The following MAGEB10 variants were observed in gnomAD, a reference collection of about 807,000 sequenced individuals.
MAGEB10 encodes the protein melanoma-associated antigen B10.
For synonymous variants in MAGEB10, 99 were observed against 101.0 expected (o/e 0.98, Z 0.12); for missense variants, 190 against 261.9 (o/e 0.73, Z 1.89).
intron 1 of MAGEB10, chrX:27,811,767 A>T (rs753915720): frequency 8.8e-6 from 1 of 113,639 alleles, no homozygotes; most frequent in East Asian, 2.8e-4. Context: ...TACAGAAGCA[A>T]CTTCCATAAA....
rs1299509980 is a variant in MAGEB10, at chrX:27,817,630, G to A, written c.-122G>A. ...ACTCAGTATAGCCTAGAACTCCTGA[G>A]CTCAAGCAATCCTCCCACCTCAGCC... On this transcript the variant is annotated 5_prime_UTR_variant, in exon 2 of 3. Transcript: ENST00000356790. 3 of 110,552 alleles carry A rather than the reference G, an allele frequency of 2.7e-5. No individual in the cohort carries two copies. In the South Asian group the frequency reaches 1.2e-3, roughly 43 times the overall value. The allele number at this position is 110,552 out of a possible 1,213,427, so 9.1% of individuals were successfully genotyped here. A position where few individuals can be genotyped will look rare whatever the true frequency, so the allele number is the denominator to read the frequency against.
At chrX:27,815,909 T>C (rs1026132639) in intron 1 of MAGEB10, among the ~76,000 whole-genome samples, 2 of 111,597 alleles carry the variant, frequency 1.8e-5, no homozygotes, top group Non-Finnish European at 3.8e-5. Flanking sequence ...AAGAATCCCA[T>C]TTCAGGCTTA....
At chrX:27,819,049 A>C (rs1171714832) in intron 2 of MAGEB10, among the ~76,000 whole-genome samples, 1 of 110,979 alleles carries the variant, frequency 9.0e-6, no homozygotes, top group Non-Finnish European at 1.9e-5. Flanking sequence ...ACTGCTCAGC[A>C]CAGAGACCAC....
chrX:27,821,755 C>G lies in MAGEB10; in HGVS notation c.449C>G (p.Pro150Arg). 2 of 1,211,801 alleles carry G rather than the reference C, an allele frequency of 1.7e-6. No homozygotes were observed. Among genetic ancestry groups the G allele is most frequent in the Non-Finnish European group, 2.2e-6 (2 of 895,546 alleles). ...NVTQMSKSQF[P>R]VILSRASEHL... The stretch of plus-strand genomic sequence containing the variant: ...ACCCAAATGTCCAAGAGCCAGTTCC[C>G]TGTAATCCTGAGCAGAGCTTCTGAG... The change falls in exon 3 of 3, where the codon CCT becomes CGT. Residue 150 changes from proline (P) to arginine (R), a missense_variant. Pro to Arg is a moderately radical substitution (Grantham distance 103, BLOSUM62 -2). Transcript: ENST00000356790.
chrX:27,822,122 A>G lies in MAGEB10; in HGVS notation c.816A>G (p.Gln272=). The part of the protein sequence containing the change: ...QVPNSDPPRY[Q]FLWGPRAHAE... ...CCAACAGTGATCCTCCACGCTATCA[A>G]TTCCTATGGGGCCCAAGAGCCCATG... The change falls in exon 3 of 3, where the codon CAA becomes CAG. Residue 272 remains glutamine (Q), a synonymous_variant. Coordinates refer to ENST00000356790, the MANE Select transcript of MAGEB10 (RefSeq NM_182506.3). 1 of 1,212,127 alleles carries G rather than the reference A, an allele frequency of 8.2e-7. No homozygotes were observed. Among genetic ancestry groups the G allele is most frequent in the African/African-American group, 1.7e-5 (1 of 57,919 alleles).
At chrX:27,812,448 A>G (rs1923709595) in intron 1 of MAGEB10, 1 of 148,870 alleles carries the variant, frequency 6.7e-6, no homozygotes, top group African/African-American at 3.1e-5. Context: ...AGGCCATGAC[A>G]CAAGAGTGAA....
chrX:27,811,918 G>A (rs763822188), intron 1 of MAGEB10: 26 of 144,373 alleles, frequency 1.8e-4, no homozygotes, highest in Non-Finnish European at 3.3e-4. Context: ...CCCCGTGCCC[G>A]TGAGAAACGC....
intron 1 of MAGEB10, among the ~76,000 whole-genome samples, chrX:27,814,104 T>C (rs112872731): frequency 9.0e-6 from 1 of 111,666 alleles, no homozygotes; most frequent in Non-Finnish European, 1.9e-5. Context: ...TTTAAGTTCC[T>C]GGATACATGT....
At chrX:27,813,126 T>C (rs1205849070) in intron 1 of MAGEB10, among the ~76,000 whole-genome samples, 1 of 112,215 alleles carries the variant, frequency 8.9e-6, no homozygotes, top group South Asian at 3.7e-4. Flanking sequence ...CATTTATTGA[T>C]GTTTGTGAGG....
At chrX:27,815,094 A>G (rs1923758669) in intron 1 of MAGEB10, among the ~76,000 whole-genome samples, 1 of 111,855 alleles carries the variant, frequency 8.9e-6, no homozygotes, top group African/African-American at 3.2e-5. Flanking sequence ...GACCAGATCC[A>G]GCACTTCCCA....
intron 1 of MAGEB10, among the ~76,000 whole-genome samples, chrX:27,815,381 A>G (rs758559854): frequency 4.5e-4 from 51 of 112,407 alleles, no homozygotes; most frequent in South Asian, 1.1e-3. Context: ...AACACTACAT[A>G]CCTGCTCATC....
intron 1 of MAGEB10, among the ~76,000 whole-genome samples, chrX:27,810,802 A>G (rs918294730): frequency 9.0e-6 from 1 of 110,823 alleles, no homozygotes; most frequent in Non-Finnish European, 1.9e-5. Flanking sequence ...GTATCCCTCA[A>G]TTTATCCTTA....
intron 1 of MAGEB10, among the ~76,000 whole-genome samples, chrX:27,816,071 G>A (rs1168204301): frequency 9.0e-6 from 1 of 110,710 alleles, no homozygotes; most frequent in East Asian, 2.9e-4. Flanking sequence ...GTCAGACTTG[G>A]GACATTGAAC....
chrX:27,811,947 C>A, intron 1 of MAGEB10: 1 of 138,602 alleles, frequency 7.2e-6, no homozygotes. Context: ...TCGAGAAGAG[C>A]CCAAGGACGT....
chrX:27,812,767 A>G (rs1215108885), intron 1 of MAGEB10: 2 of 364,154 alleles, frequency 5.5e-6, no homozygotes, highest in African/African-American at 2.6e-5. Context: ...GCCAAGATCC[A>G]TGGTACAGTC....
At chrX:27,813,201 C>T (rs1178097707) in intron 1 of MAGEB10, among the ~76,000 whole-genome samples, 3 of 111,567 alleles carry the variant, frequency 2.7e-5, no homozygotes, top group Non-Finnish European at 5.6e-5. Flanking sequence ...ATTTAGTGAT[C>T]TCCAATGAGA....
In MAGEB10 at chrX:27,821,875, C is replaced by G; in HGVS notation, c.569C>G (p.Ala190Gly). ...AACAAACTAGATCTAGGCTGTGATGCAAAGCTGAGTGATGAAACAGGCGTG... is the reference window on the plus strand; with the variant it reads ...AACAAACTAGATCTAGGCTGTGATGGAAAGCTGAGTGATGAAACAGGCGTG... ...LVNKLDLGCD[A>G]KLSDETGVPK... Residue 190 changes from alanine to glycine, a missense_variant, in exon 3 of 3, where the codon GCA becomes GGA. By Grantham distance (60) the Ala-to-Gly change is moderately conservative. Coordinates refer to ENST00000356790, the MANE Select transcript of MAGEB10 (RefSeq NM_182506.3). 8.3e-7 allele frequency: 1 copy of G among 1,211,628 alleles called. No individual in the cohort carries two copies. The highest frequency in any genetic ancestry group is 2.3e-4 in the Middle Eastern group (1 of 4,355).
chrX:27,821,707 A>G lies in MAGEB10; in HGVS notation c.401A>G (p.Lys134Arg). The G allele has an allele frequency of 8.2e-7, 1 of 1,212,172 alleles. No homozygotes were observed. The highest frequency in any genetic ancestry group is 1.7e-5 in the African/African-American group (1 of 57,851). Residue 134 changes from lysine to arginine, a missense_variant, in exon 3 of 3, where the codon AAG (lysine) becomes AGG (arginine). Physicochemically the swap from Lys to Arg is conservative, Grantham distance 26. Coordinates refer to ENST00000356790, the MANE Select transcript of MAGEB10 (RefSeq NM_182506.3). ...TACCAAATGAAAGAGCCCATTACAA[A>G]GGCAGATATGCTGAGAAATGTAACC... ...YKYQMKEPIT[K>R]ADMLRNVTQM...
At chrX:27,811,180 C>T (rs1440525138) in intron 1 of MAGEB10, among the ~76,000 whole-genome samples, 1 of 109,673 alleles carries the variant, frequency 9.1e-6, no homozygotes, top group African/African-American at 3.3e-5. Context: ...GATAGGGGTC[C>T]CTGGGGAAGA....
Sources: allele counts gnomAD v4.1 joint callset (sites outside exome capture counted in the v4.1 genomes callset), GRCh38; gene constraint gnomAD v4.1.1; transcripts MANE v1.5; gene names NCBI Gene and HGNC (gene_info 2026-07-23, HGNC 2026-07-21).